PRKCE: variants seen among roughly 807,000 people sequenced by gnomAD.
PRKCE encodes the protein protein kinase C epsilon type.
In PRKCE, 16 loss-of-function variants were observed where a neutral mutation model predicts 85.4. The ratio of observed to expected loss-of-function variants is 0.19; its 90% CI spans 0.13 to 0.28. The LOEUF (loss-of-function observed/expected upper bound fraction) is 0.28. Ranked by LOEUF, PRKCE falls within the 10% of genes least tolerant of loss-of-function variation. The pLI, the probability that PRKCE is intolerant of heterozygous loss-of-function variation, is 1.00. For missense variants in PRKCE, 573 were observed against 975.2 expected (o/e 0.59, Z 5.49); for synonymous variants, 388 against 371.5 (o/e 1.04, Z -0.51).
Position 46,056,420 on chromosome 2 carries a change from A to G in PRKCE, c.1438-29788A>G, listed in dbSNP as rs1003993830. ...CTAAGCATACAGTAACTTATATGGG[A>G]TTAAGTTTTCCTAACAGGGGCTTTC... is the stretch of plus-strand genomic sequence containing the variant. On this transcript the variant is annotated intron_variant, in intron 10 of 14. Transcript: ENST00000306156. 3.3e-5 allele frequency among the ~76,000 whole-genome samples: 5 copies of G among 152,198 alleles called. No individual in the cohort carries two copies. In the East Asian group the frequency reaches 7.7e-4, roughly 23 times the overall value.
intron 2 of PRKCE, among the ~76,000 whole-genome samples, chr2:45,911,897 C>T (rs1237761052): frequency 6.6e-6 from 1 of 152,058 alleles, no homozygotes; most frequent in Non-Finnish European, 1.5e-5. Context: ...GTCCTGGTCT[C>T]TGGTAAATCT....
chr2:45,723,601 C>G (rs1178314128), intron 1 of PRKCE, among the ~76,000 whole-genome samples: 1 of 151,712 alleles, frequency 6.6e-6, no homozygotes, highest in Non-Finnish European at 1.5e-5. Flanking sequence ...AATACATGTT[C>G]TTTTGTTTTG....
chr2:46,170,937 T>C (rs556271152), intron 14 of PRKCE, among the ~76,000 whole-genome samples: 2 of 152,312 alleles, frequency 1.3e-5, no homozygotes, highest in South Asian at 2.1e-4. Context: ...AGTTTCTTCT[T>C]TGGATACCAA....
intron 14 of PRKCE, among the ~76,000 whole-genome samples, chr2:46,182,111 G>A (rs1292821736): frequency 1.3e-5 from 2 of 152,058 alleles, no homozygotes; most frequent in Non-Finnish European, 2.9e-5. Context: ...CTCCCCCGGC[G>A]TGGATGCTCC....
At chr2:45,857,672 C>A (rs1692787388) in intron 2 of PRKCE, among the ~76,000 whole-genome samples, 1 of 152,034 alleles carries the variant, frequency 6.6e-6, no homozygotes, top group Admixed American at 6.5e-5. Flanking sequence ...CTTGGCCTCC[C>A]AAAGTGCTGG....
Position 45,719,112 on chromosome 2 carries a change from C to T in PRKCE, c.348+66664C>T, listed in dbSNP as rs142238252. On this transcript the variant is annotated intron_variant, in intron 1 of 14. Coordinates refer to ENST00000306156, the MANE Select transcript of PRKCE (RefSeq NM_005400.3). ...TTATTAGCAGCAGGTTGAGAAGGCT[C>T]GAGGCATCTATCCTTGCCACCTGTG... is the stretch of plus-strand genomic sequence containing the variant. Among the ~76,000 whole-genome samples, 156 of 152,334 alleles carry T rather than the reference C, an allele frequency of 1.0e-3. 1 individual carries two copies. Among genetic ancestry groups the T allele is most frequent in the African/African-American group, 3.4e-3 (143 of 41,580 alleles).
intron 2 of PRKCE, among the ~76,000 whole-genome samples, chr2:45,917,862 G>A (rs990231631): frequency 6.6e-6 from 1 of 152,194 alleles, no homozygotes; most frequent in African/African-American, 2.4e-5. Context: ...CGCAGCGCCC[G>A]TGGGCCGGCA....
chr2:45,849,866 A>T (rs896892067), intron 2 of PRKCE, among the ~76,000 whole-genome samples: 5 of 152,142 alleles, frequency 3.3e-5, no homozygotes, highest in African/African-American at 1.2e-4. Context: ...TTTTGGCTCT[A>T]TTTTTGGTCC....
chr2:45,870,060 C>T (rs570193396), intron 2 of PRKCE, among the ~76,000 whole-genome samples: 78 of 152,276 alleles, frequency 5.1e-4, no homozygotes, highest in African/African-American at 1.6e-3. Context: ...TGCTCTCCTT[C>T]CTGGCCTGCA....
chr2:45,832,941 A>G (rs1263736749), intron 1 of PRKCE, among the ~76,000 whole-genome samples: 1 of 152,182 alleles, frequency 6.6e-6, no homozygotes, highest in Non-Finnish European at 1.5e-5. Flanking sequence ...TGTGATTATT[A>G]GTATTCATAA....
chr2:45,898,758 A>C (rs545270689), intron 2 of PRKCE, among the ~76,000 whole-genome samples: 1 of 152,264 alleles, frequency 6.6e-6, no homozygotes, highest in South Asian at 2.1e-4. Context: ...TTGTAACCAG[A>C]TCAGGATTTC....
intron 2 of PRKCE, among the ~76,000 whole-genome samples, chr2:45,957,425 A>T (rs1701045531): frequency 6.6e-6 from 1 of 152,172 alleles, no homozygotes; most frequent in South Asian, 2.1e-4. Context: ...TTGTATGCAC[A>T]TATGTGGATT....
rs532237625 is a variant in PRKCE, at chr2:46,185,282, C to T, written c.*401C>T. On this transcript the variant is annotated 3_prime_UTR_variant, in exon 15 of 15. Transcript: ENST00000306156. This position sits in a 1 kb window ranked among gnomAD's most constrained non-coding sequence, Gnocchi z 4.7. The stretch of plus-strand genomic sequence containing the variant: ...TCTGCTATCGGACACAGATCCTGAT[C>T]CCTCTTGCTTCTTTTCCCTCCTGCA... 225 of 177,758 alleles carry T rather than the reference C, an allele frequency of 1.3e-3. 2 individuals are homozygous for T. The highest frequency in any genetic ancestry group is 2.2e-3 in the Non-Finnish European group (187 of 84,424). 11.0% of individuals were successfully genotyped at this position (177,758 alleles called of 1,614,324 possible).
At chr2:46,181,469 G>T (rs1418812232) in intron 14 of PRKCE, among the ~76,000 whole-genome samples, 1 of 152,184 alleles carries the variant, frequency 6.6e-6, no homozygotes, top group East Asian at 1.9e-4. Context: ...GATGATTCTG[G>T]AACCTCAAGA....
At chr2:46,141,129 T>C (rs1675476266) in intron 11 of PRKCE, among the ~76,000 whole-genome samples, 1 of 151,278 alleles carries the variant, frequency 6.6e-6, no homozygotes, top group Non-Finnish European at 1.5e-5. Context: ...TTCAGAAATT[T>C]CTTTTCTAGG....
At chr2:46,021,205 G>C (rs1706629146) in intron 10 of PRKCE, among the ~76,000 whole-genome samples, 2 of 152,166 alleles carry the variant, frequency 1.3e-5, no homozygotes, top group Admixed American at 6.5e-5. Flanking sequence ...GCTCATGCTA[G>C]GAAGCCGTGA....
intron 2 of PRKCE, among the ~76,000 whole-genome samples, chr2:45,946,244 G>A (rs1189505722): frequency 6.6e-6 from 1 of 152,226 alleles, no homozygotes; most frequent in Admixed American, 6.5e-5. Flanking sequence ...GGTGGTTTGT[G>A]AGTTATGCCC....
chr2:45,769,684 T>A (rs547322703), intron 1 of PRKCE, among the ~76,000 whole-genome samples: 1 of 152,378 alleles, frequency 6.6e-6, no homozygotes, highest in African/African-American at 2.4e-5. Flanking sequence ...TTAGCCAGTT[T>A]GTCTTTAATG....
chr2:45,963,333 G>A (rs1574042130), intron 2 of PRKCE, among the ~76,000 whole-genome samples: 1 of 151,696 alleles, frequency 6.6e-6, no homozygotes, highest in Non-Finnish European at 1.5e-5. Flanking sequence ...TTTTTAGACC[G>A]AGTCTTGCTC....
Sources: allele counts gnomAD v4.1 joint callset (sites outside exome capture counted in the v4.1 genomes callset), GRCh38; gene constraint gnomAD v4.1.1; non-coding constraint Gnocchi (gnomAD v3.1); transcripts MANE v1.5; gene names NCBI Gene and HGNC (gene_info 2026-07-23, HGNC 2026-07-21).